The following HERC4 variants were observed in gnomAD, a reference collection of about 807,000 sequenced individuals.
The protein encoded by HERC4 is probable E3 ubiquitin-protein ligase HERC4.
In HERC4, 28 loss-of-function variants were observed where a neutral mutation model predicts 124.3. The ratio of observed to expected loss-of-function variants is 0.23; its 90% CI spans 0.17 to 0.31. The LOEUF is 0.31. Ranked by LOEUF, HERC4 falls within the 10% of genes least tolerant of loss-of-function variation. The pLI, the probability that HERC4 is intolerant of heterozygous loss-of-function variation, is 1.00. For synonymous variants in HERC4, 407 were observed against 421.5 expected (o/e 0.97, Z 0.42); for missense variants, 713 against 1,229.3 (o/e 0.58, Z 6.28).
intron 7 of HERC4, among the ~76,000 whole-genome samples, chr10:68,029,177 A>AG (rs1308730754): frequency 6.6e-6 from 1 of 152,110 alleles, no homozygotes; most frequent in African/African-American, 2.4e-5. Flanking sequence ...CCCCCATCTC[A>AG]GAAAAAAAAA....
intron 17 of HERC4, chr10:67,956,599 A>AAGATTAT (rs2034155549): frequency 4.7e-6 from 1 of 211,562 alleles, no homozygotes; most frequent in African/African-American, 2.3e-5. Flanking sequence ...TAAACTAGTA[A>AAGATTAT]AACGGTTTAT....
chr10:68,065,013 T>G (rs2041232626), intron 3 of HERC4, among the ~76,000 whole-genome samples: 1 of 151,910 alleles, frequency 6.6e-6, no homozygotes, highest in Non-Finnish European at 1.5e-5. Context: ...TTAAATAAAT[T>G]TTGGTACATC....
At position 67,940,936 on chromosome 10, in the gene HERC4, A is replaced by G. The variant is rs1174059680; in HGVS notation, c.2504+3T>C. ...TACTTTTTGACTTTTTTTTCCAACT[A>G]ACCTCCCAACATCAGGCATTAGTTC... is the stretch of plus-strand genomic sequence containing the variant. On this transcript the variant is annotated splice_donor_region_variant and intron_variant, in intron 20 of 24. Transcript: ENST00000373700. 4 of 1,606,192 alleles carry G rather than the reference A, an allele frequency of 2.5e-6. No homozygotes were observed. In the Admixed American group the frequency reaches 6.8e-5, roughly 27 times the overall value.
intron 9 of HERC4, among the ~76,000 whole-genome samples, chr10:68,011,240 C>G (rs1589316940): frequency 6.6e-6 from 1 of 152,142 alleles, no homozygotes; most frequent in East Asian, 1.9e-4. Flanking sequence ...TTTGTAGAGA[C>G]AGTGTCTCAC....
intron 11 of HERC4, 25 bp downstream of exon 11, chr10:67,992,174 G>T (rs1238870996): frequency 6.2e-7 from 1 of 1,609,174 alleles, no homozygotes; most frequent in Admixed American, 1.7e-5. Flanking sequence ...GAGCCACTGT[G>T]CCTGGCCCAA....
intron 15 of HERC4, among the ~76,000 whole-genome samples, chr10:67,976,847 G>A (rs1477014792): frequency 6.6e-6 from 1 of 152,186 alleles, no homozygotes; most frequent in African/African-American, 2.4e-5. Context: ...CACAGAGGGA[G>A]CATTAAAACC....
chr10:68,029,928 CAG>C (rs1379348078), intron 7 of HERC4, among the ~76,000 whole-genome samples: 1 of 151,004 alleles, frequency 6.6e-6, no homozygotes, highest in African/African-American at 2.4e-5. Context: ...TTAGTAGAGA[CAG>C]AGTTTCACCA....
At chr10:68,001,622 T>C (rs1452041751) in intron 9 of HERC4, among the ~76,000 whole-genome samples, 1 of 152,186 alleles carries the variant, frequency 6.6e-6, no homozygotes, top group Non-Finnish European at 1.5e-5. Context: ...CACAATTTAG[T>C]GGTAGCAAGT....
Position 68,057,953 on chromosome 10 carries a change from G to C in HERC4, c.227-13390C>G, listed in dbSNP as rs563163089. 7.9e-5 allele frequency among the ~76,000 whole-genome samples: 12 copies of C among 152,168 alleles called. No individual in the cohort carries two copies. In the South Asian group the frequency reaches 2.5e-3, roughly 32 times the overall value. ...TAAGCTCAGGCAATCCGCCTGCCTT[G>C]GCCTCCCTAAGTGCTAGGATTACAG... On this transcript the variant is annotated intron_variant, in intron 3 of 24. Coordinates refer to ENST00000373700, the MANE Select transcript of HERC4 (RefSeq NM_015601.4).
chr10:68,022,733 ACTAT>A (rs1255504756), intron 8 of HERC4, among the ~76,000 whole-genome samples: 6 of 151,958 alleles, frequency 3.9e-5, no homozygotes, highest in African/African-American at 1.2e-4. Flanking sequence ...ATCAAAAGAC[ACTAT>A]CTATAGAATA....
rs773390965 is a variant in HERC4 at position 67,932,624 on chromosome 10, T to G, written c.2811A>C (p.Thr937=). The part of the protein sequence containing the change: ...NELQAMVIGN[T]NYDWKELEKN... ...TTTCCAGTTCCTTCCAATCATAATT[T>G]GTATTTCCAATGACCATTGCTTGTA... The change falls in exon 23 of 25, where the codon ACA becomes ACC. Residue 937 remains threonine (T), a synonymous_variant. Transcript: ENST00000373700. 3 of 1,611,230 alleles carry G rather than the reference T, an allele frequency of 1.9e-6. No individual in the cohort carries two copies. Among genetic ancestry groups the G allele is most frequent in the Non-Finnish European group, 2.5e-6 (3 of 1,179,184 alleles).
At chr10:67,984,591 T>G (rs1207881658) in intron 15 of HERC4, among the ~76,000 whole-genome samples, 1 of 152,032 alleles carries the variant, frequency 6.6e-6, no homozygotes, top group Non-Finnish European at 1.5e-5. Flanking sequence ...ACCTAGGTTT[T>G]TCTTTTTTTG....
At chr10:67,965,385 C>T (rs1352766131) in intron 16 of HERC4, 1 of 152,128 alleles carries the variant, frequency 6.6e-6, no homozygotes, top group African/African-American at 2.4e-5. Context: ...ATTTCCAATA[C>T]CTAAATCAGT....
Position 67,956,966 on chromosome 10 carries a change from A to G in HERC4, c.1937T>C (p.Ile646Thr). 1 of 1,562,032 alleles carries G rather than the reference A, an allele frequency of 6.4e-7. No homozygotes were observed. The highest frequency in any genetic ancestry group is 8.7e-7 in the Non-Finnish European group (1 of 1,155,544). ...QQQAYGMLAD[I>T]PVTICTYPFV... ...TGGATATGTACAGATTGTAACAGGGATATCTGCCAACTGGAAATAAAAAAT... is the reference window on the plus strand; with the variant it reads ...TGGATATGTACAGATTGTAACAGGGGTATCTGCCAACTGGAAATAAAAAAT... The change falls in exon 17 of 25, where the codon ATC becomes ACC. Residue 646 changes from isoleucine to threonine, a missense_variant. Coordinates refer to ENST00000373700, the MANE Select transcript of HERC4 (RefSeq NM_015601.4).
At chr10:67,994,808 A>G (rs1282474866) in intron 9 of HERC4, 1 of 152,848 alleles carries the variant, frequency 6.5e-6, no homozygotes, top group Non-Finnish European at 1.5e-5. Context: ...GCTTACTGCA[A>G]CCTCAGCCTC....
In HERC4 at chr10:67,940,921, CT is replaced by C. The variant is rs763339420; in HGVS notation, c.2504+17del. The C allele has an allele frequency of 3.9e-5, 63 of 1,600,180 alleles. 1 individual carries two copies. The highest frequency in any genetic ancestry group is 1.0e-4 in the Admixed American group (6 of 57,370). On this transcript the variant is annotated intron_variant, in intron 20 of 24. Coordinates refer to ENST00000373700, the MANE Select transcript of HERC4 (RefSeq NM_015601.4). ...CCTCCCAAACCCTACTACTTTTTGA[CT>C]TTTTTTTCCAACTAACCTCCCAACA...
intron 15 of HERC4, among the ~76,000 whole-genome samples, chr10:67,983,527 C>T (rs1003110575): frequency 6.6e-6 from 1 of 152,058 alleles, no homozygotes; most frequent in African/African-American, 2.4e-5. Context: ...TGCCTGTAAT[C>T]CCAGCACTTT....
intron 9 of HERC4, among the ~76,000 whole-genome samples, chr10:68,002,353 C>T (rs2037280465): frequency 6.6e-6 from 1 of 151,784 alleles, no homozygotes; most frequent in African/African-American, 2.4e-5. Context: ...AACAAGAAGA[C>T]AATTCTGAGG....
chr10:68,058,732 C>A (rs1053149610), intron 3 of HERC4, among the ~76,000 whole-genome samples: 2 of 151,744 alleles, frequency 1.3e-5, no homozygotes, highest in East Asian at 3.9e-4. Context: ...CATGATTATC[C>A]TAATTTTAGA....
Sources: gnomAD v4.1 joint callset for allele counts (sites outside exome capture counted in the v4.1 genomes callset) on GRCh38, gnomAD v4.1.1 for gene constraint, MANE v1.5 for transcripts, NCBI Gene and HGNC (gene_info 2026-07-23, HGNC 2026-07-21) for gene names.